The following BABAM1 variants were observed in gnomAD, a reference collection of about 807,000 sequenced individuals.
The protein encoded by BABAM1 is BRISC and BRCA1-A complex member 1.
Under a neutral mutation model 34.4 loss-of-function variants are expected in BABAM1, and 14 were observed. That is an observed-to-expected ratio of 0.41 (90% CI 0.27 to 0.64). The LOEUF (loss-of-function observed/expected upper bound fraction) is 0.64, where lower values mean the gene tolerates loss of function less well. Ranked by LOEUF, BABAM1 falls within the 30% of genes least tolerant of loss-of-function variation. BABAM1 has a pLI of 0.34. For synonymous variants in BABAM1, 169 were observed against 165.8 expected (o/e 1.02, Z -0.15); for missense variants, 393 against 434.0 (o/e 0.91, Z 0.84).
rs769365714 is a variant in BABAM1, at chr19:17,271,614, G to A, written c.303G>A (p.Leu101=). 1.2e-6 allele frequency: 2 copies of A among 1,613,684 alleles called. No homozygotes were observed. Among genetic ancestry groups the A allele is most frequent in the Non-Finnish European group, 1.7e-6 (2 of 1,179,826 alleles). The change falls in exon 3 of 9, where the codon CTG becomes CTA. Residue 101 remains leucine, a synonymous_variant. Transcript: ENST00000598188. ...CCTTGCAGATTATCTGCCTGGACCT[G>A]TCAGAGGAAATGTCACTGCCAAAGC... ...CPEKVIICLD[L]SEEMSLPKLE...
Position 17,268,774 on chromosome 19 carries a change from C to T in BABAM1, c.-13-20C>T, listed in dbSNP as rs868195292. On this transcript the variant is annotated intron_variant, in intron 1 of 8. Coordinates refer to ENST00000598188, the MANE Select transcript of BABAM1 (RefSeq NM_014173.4). ...CTCCAAGGGGAGGATTCTGGCTTCCCCTGTCCGTGTTCCATCTAGCCACAC... is the reference window on the plus strand; with the variant it reads ...CTCCAAGGGGAGGATTCTGGCTTCCTCTGTCCGTGTTCCATCTAGCCACAC... The T allele has an allele frequency of 7.7e-6, 12 of 1,558,632 alleles. No homozygotes were observed. The highest frequency in any genetic ancestry group is 3.5e-4 in the Middle Eastern group (2 of 5,760).
chr19:17,275,627 A>AT, intron 5 of BABAM1, 174 bp from the exon 6 acceptor site: 1 of 725,598 alleles, frequency 1.4e-6, no homozygotes, highest in East Asian at 2.6e-5. Context: ...CCAGCATCCT[A>AT]TTTTGTGATC....
intron 3 of BABAM1, 70 bp from the exon 4 acceptor site, chr19:17,273,834 A>C: frequency 6.6e-7 from 1 of 1,511,986 alleles, no homozygotes; most frequent in Non-Finnish European, 8.9e-7. Flanking sequence ...AAGTACTGGA[A>C]TTACAGGCGT....
intron 6 of BABAM1, 142 bp from the exon 7 acceptor site, chr19:17,276,353 G>A: frequency 5.3e-6 from 7 of 1,308,778 alleles, no homozygotes; most frequent in Non-Finnish European, 7.4e-6. Flanking sequence ...CCGCTTATGG[G>A]ATGCCTCACA....
At chr19:17,276,265 G>A (rs2073906619) in intron 6 of BABAM1, 3 of 594,340 alleles carry the variant, frequency 5.0e-6, no homozygotes, top group Non-Finnish European at 8.8e-6. Context: ...AACCTGGGAG[G>A]TAGAGGTTGC....
chr19:17,278,457 T>C (rs958889715), intron 8 of BABAM1, among the ~76,000 whole-genome samples: 7 of 151,902 alleles, frequency 4.6e-5, no homozygotes, highest in African/African-American at 1.2e-4. Flanking sequence ...TACAGGTGCC[T>C]GCCACCACGC....
At position 17,271,646 on chromosome 19, in the gene BABAM1, C is replaced by T. The variant is rs1365789470; in HGVS notation, c.335C>T (p.Ser112Leu). 1.2e-6 allele frequency: 2 copies of T among 1,613,612 alleles called. No homozygotes were observed. Among genetic ancestry groups the T allele is most frequent in the Non-Finnish European group, 1.7e-6 (2 of 1,179,780 alleles). The stretch of plus-strand genomic sequence containing the variant: ...GAAATGTCACTGCCAAAGCTGGAGT[C>T]GTTCAACGGGTAAGAGGGACATTTT... ...SEEMSLPKLE[S>L]FNGSKTNALN... is the part of the protein sequence containing the mutation. The change falls in exon 3 of 9, where the codon TCG (serine) becomes TTG (leucine). Residue 112 changes from serine (S) to leucine (L), a missense_variant. Physicochemically the swap from Ser to Leu is moderately radical, Grantham distance 145. Coordinates refer to ENST00000598188, the MANE Select transcript of BABAM1 (RefSeq NM_014173.4).
intron 1 of BABAM1, 71 bp from the exon 2 acceptor site, chr19:17,268,723 C>G: frequency 6.9e-7 from 1 of 1,445,278 alleles, no homozygotes. Flanking sequence ...GCCACCGTGC[C>G]CGACCGTAAC....
rs376718985 is a variant in BABAM1, at chr19:17,274,009, C to T, written c.450C>T (p.Asn150=). The T allele has an allele frequency of 2.8e-4, 455 of 1,613,928 alleles. No homozygotes were observed. Among genetic ancestry groups the T allele is most frequent in the Middle Eastern group, 9.9e-4 (6 of 6,062 alleles). ...ACGAGTTTGCACTGGTGGTGGTGAA[C>T]GATGACACGGCCTGGGTGAGGCTGC... The part of the protein sequence containing the change: ...KSHEFALVVV[N]DDTAWLSGLT... The change falls in exon 4 of 9, where the codon AAC becomes AAT. Residue 150 remains asparagine, a synonymous_variant. Coordinates refer to ENST00000598188, the MANE Select transcript of BABAM1 (RefSeq NM_014173.4).
chr19:17,274,151 C>T lies in BABAM1; in HGVS notation c.510C>T (p.Leu170=). The change falls in exon 5 of 9, where the codon CTC becomes CTT. Residue 170 remains leucine (L), a synonymous_variant. Coordinates refer to ENST00000598188, the MANE Select transcript of BABAM1 (RefSeq NM_014173.4). ...ACCCCCGCGAGCTCTGTAGCTGCCT[C>T]TATGATCTGGAGACGGCCTCCTGTT... The part of the protein sequence containing the change: ...TSDPRELCSC[L]YDLETASCST... 6.2e-7 allele frequency: 1 copy of T among 1,613,658 alleles called. No homozygotes were observed. Among genetic ancestry groups the T allele is most frequent in the Admixed American group, 1.7e-5 (1 of 60,016 alleles).
At chr19:17,273,843 G>A (rs1436671579) in intron 3 of BABAM1, 61 bp from the exon 4 acceptor site, 2 of 1,529,722 alleles carry the variant, frequency 1.3e-6, no homozygotes, top group Middle Eastern at 1.7e-4. Context: ...AATTACAGGC[G>A]TGAGCCACTG....
At position 17,275,783 on chromosome 19, in the gene BABAM1, C is replaced by T. The variant is rs1191897078; in HGVS notation, c.545-18C>T. 1 of 1,613,786 alleles carries T rather than the reference C, an allele frequency of 6.2e-7. No individual in the cohort carries two copies. Among genetic ancestry groups the T allele is most frequent in the Admixed American group, 1.7e-5 (1 of 60,006 alleles). ...CTCACTCGTGCTCTACTAGCCTTCTCCTTAGCACCCCCACCAGATCTGGAA... is the reference window on the plus strand; with the variant it reads ...CTCACTCGTGCTCTACTAGCCTTCTTCTTAGCACCCCCACCAGATCTGGAA... On this transcript the variant is annotated intron_variant, in intron 5 of 8. Transcript: ENST00000598188.
At chr19:17,274,492 C>T (rs577249963) in intron 5 of BABAM1, 11 of 353,706 alleles carry the variant, frequency 3.1e-5, no homozygotes, top group African/African-American at 1.0e-4. Context: ...CACTTGAGTC[C>T]GGGAGGCGGA....
At chr19:17,270,626 A>G (rs1048803726) in intron 2 of BABAM1, among the ~76,000 whole-genome samples, 1 of 149,110 alleles carries the variant, frequency 6.7e-6, no homozygotes, top group Non-Finnish European at 1.5e-5. Flanking sequence ...CCCTGGTTCA[A>G]ATGATTCTCC....
At chr19:17,278,799 A>G (rs1364435110) in intron 8 of BABAM1, 46 bp from the exon 9 acceptor site, 1 of 1,549,704 alleles carries the variant, frequency 6.5e-7, no homozygotes, top group Admixed American at 1.8e-5. Flanking sequence ...CTGTTGGGGT[A>G]ACCTCTGCCT....
chr19:17,278,442 A>G (rs751639984), intron 8 of BABAM1, among the ~76,000 whole-genome samples: 61 of 151,480 alleles, frequency 4.0e-4, no homozygotes, highest in Non-Finnish European at 6.3e-4. Context: ...CCGAGTAGCT[A>G]GGACTACAGG....
At chr19:17,272,613 G>C (rs1256561205) in intron 3 of BABAM1, among the ~76,000 whole-genome samples, 1 of 151,388 alleles carries the variant, frequency 6.6e-6, no homozygotes, top group Non-Finnish European at 1.5e-5. Context: ...CACCGTGTTA[G>C]CCAGGATGGT....
At chr19:17,274,908 G>A (rs970045759) in intron 5 of BABAM1, among the ~76,000 whole-genome samples, 2 of 152,168 alleles carry the variant, frequency 1.3e-5, no homozygotes, top group African/African-American at 4.8e-5. Flanking sequence ...ATGCAGGAAA[G>A]GGGACCTTTT....
rs1359415096 is a variant in BABAM1, at chr19:17,276,879, TGAG to T, written c.760_762del (p.Glu254del). Reference sequence around the variant, plus strand: ...ACGTTGTTTACATCCACAATGGCACTGAGGAGAAGGAGGAGGAGATGAGTTGGA... The same window carrying T: ...ACGTTGTTTACATCCACAATGGCACTGAGAAGGAGGAGGAGATGAGTTGGA... On this transcript the variant is annotated inframe_deletion, in exon 8 of 9. Coordinates refer to ENST00000598188, the MANE Select transcript of BABAM1 (RefSeq NM_014173.4). 1.9e-6 allele frequency: 3 copies of T among 1,602,690 alleles called. No homozygotes were observed. In the East Asian group the frequency reaches 6.7e-5, roughly 36 times the overall value.
Sources: allele counts gnomAD v4.1 joint callset (sites outside exome capture counted in the v4.1 genomes callset), GRCh38; gene constraint gnomAD v4.1.1; transcripts MANE v1.5; gene names NCBI Gene and HGNC (gene_info 2026-07-23, HGNC 2026-07-21).